Variants in TC2N observed in about 807,000 individuals in gnomAD.
The protein encoded by TC2N is tandem C2 domains nuclear protein.
TC2N carries 51 observed loss-of-function variants against 61.9 expected under a neutral mutation model. The ratio of observed to expected loss-of-function variants is 0.82; its 90% CI spans 0.66 to 1.04. TC2N has a LOEUF of 1.04. TC2N is among the 50% of genes least tolerant of loss of function. The pLI, the probability that TC2N is intolerant of heterozygous loss-of-function variation, is 0.00. For synonymous variants in TC2N, 204 were observed against 192.6 expected (o/e 1.06, Z -0.49); for missense variants, 556 against 566.7 (o/e 0.98, Z 0.19).
At chr14:91,794,036 T>C (rs1885786213) in intron 8 of TC2N, among the ~76,000 whole-genome samples, 1 of 152,218 alleles carries the variant, frequency 6.6e-6, no homozygotes, top group Non-Finnish European at 1.5e-5. Context: ...ACAGCCTTAT[T>C]GCTGATGTGG....
At chr14:91,810,555 C>A (rs1886717687) in intron 3 of TC2N, among the ~76,000 whole-genome samples, 1 of 151,990 alleles carries the variant, frequency 6.6e-6, no homozygotes, top group African/African-American at 2.4e-5. Flanking sequence ...AAAATGTGAT[C>A]TATTTTCAAG....
intron 1 of TC2N, among the ~76,000 whole-genome samples, chr14:91,820,643 T>A (rs1395933632): frequency 6.6e-6 from 1 of 151,784 alleles, no homozygotes; most frequent in Non-Finnish European, 1.5e-5. Context: ...GTCAAAGGCA[T>A]TCATCTTGGA....
At chr14:91,800,115 T>C (rs1886145627) in intron 5 of TC2N, among the ~76,000 whole-genome samples, 166 bp downstream of exon 5, 1 of 152,136 alleles carries the variant, frequency 6.6e-6, no homozygotes, top group African/African-American at 2.4e-5. Context: ...ATAACAGCTT[T>C]CTAAAATAAT....
At chr14:91,794,079 A>ATTT in intron 8 of TC2N, among the ~76,000 whole-genome samples, 1 of 152,320 alleles carries the variant, frequency 6.6e-6, no homozygotes, top group Non-Finnish European at 1.5e-5. Context: ...AGAAAATCAA[A>ATTT]TCAGCCACAA....
intron 1 of TC2N, among the ~76,000 whole-genome samples, chr14:91,818,520 C>A (rs185957156): frequency 6.6e-6 from 1 of 151,574 alleles, no homozygotes; most frequent in Admixed American, 6.6e-5. Flanking sequence ...AAAAAAAGTA[C>A]CAGGTATACA....
chr14:91,789,623 C>A (rs1029024914), intron 9 of TC2N, among the ~76,000 whole-genome samples: 357 of 132,228 alleles, frequency 2.7e-3, no homozygotes, highest in Non-Finnish European at 4.4e-3. Context: ...AAACAAAAAA[C>A]AAAAAAAAAA....
intron 1 of TC2N, among the ~76,000 whole-genome samples, chr14:91,835,874 C>CGAGCACG (rs971942282): frequency 6.6e-6 from 1 of 152,206 alleles, no homozygotes; most frequent in Non-Finnish European, 1.5e-5. Context: ...GTCGGAAGCC[C>CGAGCACG]GAGCACGGAG....
At position 91,798,322 on chromosome 14, in the gene TC2N, G is replaced by T. The variant is rs1024103159; in HGVS notation, c.715C>A (p.Gln239Lys). Residue 239 changes from glutamine to lysine, a missense_variant, in exon 7 of 12, where the codon CAG becomes AAG. Coordinates refer to ENST00000435962, the MANE Select transcript of TC2N (RefSeq NM_001128596.3). Reference protein sequence around the residue: ...VKLFYNSSVEQIWITVLQCRD... With the variant: ...VKLFYNSSVEKIWITVLQCRD... The stretch of plus-strand genomic sequence containing the variant: ...ACCTGTAAAACTGTGATCCAGATCT[G>T]TTCTACTGAAGAATTATAAAACAAT... The T allele has an allele frequency of 5.7e-6, 9 of 1,582,686 alleles. No homozygotes were observed. The highest frequency in any genetic ancestry group is 7.8e-6 in the Non-Finnish European group (9 of 1,158,812).
chr14:91,784,258 C>T (rs1320283354), intron 11 of TC2N, among the ~76,000 whole-genome samples: 3 of 152,092 alleles, frequency 2.0e-5, no homozygotes, highest in Admixed American at 6.6e-5. Flanking sequence ...TATACGAAAA[C>T]TTTAACTGAA....
chr14:91,789,603 T>A (rs1885545175), intron 9 of TC2N, among the ~76,000 whole-genome samples: 1 of 145,522 alleles, frequency 6.9e-6, no homozygotes. Flanking sequence ...AGAGAGAGAC[T>A]CCATCTCAAA....
At chr14:91,841,643 A>G (rs1888165366) in intron 1 of TC2N, among the ~76,000 whole-genome samples, 1 of 152,196 alleles carries the variant, frequency 6.6e-6, no homozygotes, top group Middle Eastern at 3.2e-3. Context: ...AGTGGCAGCT[A>G]TGTATGGACT....
At chr14:91,833,859 T>G (rs562149239) in intron 1 of TC2N, among the ~76,000 whole-genome samples, 1 of 152,242 alleles carries the variant, frequency 6.6e-6, no homozygotes, top group Non-Finnish European at 1.5e-5. Context: ...TTTTCCATTT[T>G]AACTATTCTT....
chr14:91,863,644 T>C (rs1251323808), intron 1 of TC2N, among the ~76,000 whole-genome samples: 1 of 152,022 alleles, frequency 6.6e-6, no homozygotes, highest in African/African-American at 2.4e-5. Flanking sequence ...ATGTGGGGTC[T>C]GGCCTGTGGG....
chr14:91,795,527 C>CA (rs902999380), intron 8 of TC2N, among the ~76,000 whole-genome samples: 1 of 151,988 alleles, frequency 6.6e-6, no homozygotes, highest in Admixed American at 6.6e-5. Flanking sequence ...CTTCCAACAG[C>CA]AAAAAAATTA....
Position 91,783,218 on chromosome 14 carries a change from G to C in TC2N, c.1363-8C>G. ...GTCTTCACTTATCCAAATCTGTAAA[G>C]GAAAGTATGTACAATCATTTAACTT... On this transcript the variant is annotated splice_polypyrimidine_tract_variant and splice_region_variant and intron_variant, in intron 11 of 11. Transcript: ENST00000435962. 1 of 1,486,398 alleles carries C rather than the reference G, an allele frequency of 6.7e-7. No individual in the cohort carries two copies. The allele number at this position is 1,486,398 out of a possible 1,614,324, so 92.1% of individuals were successfully genotyped here.
intron 1 of TC2N, among the ~76,000 whole-genome samples, chr14:91,818,912 A>T (rs1859862454): frequency 6.6e-6 from 1 of 152,102 alleles, no homozygotes; most frequent in Non-Finnish European, 1.5e-5. Context: ...CCCAAAATAC[A>T]TGTATTTGGA....
In TC2N at chr14:91,781,846, T is replaced by C. The variant is rs1885146891; in HGVS notation, c.*1254A>G. 6.6e-6 allele frequency: 1 copy of C among 152,068 alleles called. No individual in the cohort carries two copies. The highest frequency in any genetic ancestry group is 6.6e-5 in the Admixed American group (1 of 15,258). 9.4% of individuals were successfully genotyped at this position (152,068 alleles called of 1,614,324 possible). ...TTTATTTGGGAAAATGTTAATGATA[T>C]ACACAGAACATAGGAGCTGGAATAA... On this transcript the variant is annotated 3_prime_UTR_variant, in exon 12 of 12. Transcript: ENST00000435962.
At chr14:91,786,162 TG>T (rs1885354486) in intron 10 of TC2N, among the ~76,000 whole-genome samples, 1 of 152,198 alleles carries the variant, frequency 6.6e-6, no homozygotes, top group South Asian at 2.1e-4. Flanking sequence ...TGAAGAGTTG[TG>T]GTCATCCTGA....
Position 91,785,359 on chromosome 14 carries a change from A to T in TC2N, c.1165T>A (p.Phe389Ile), listed in dbSNP as rs1427877615. 4.3e-6 allele frequency: 7 copies of T among 1,611,816 alleles called. No homozygotes were observed. Among genetic ancestry groups the T allele is most frequent in the Non-Finnish European group, 5.9e-6 (7 of 1,178,848 alleles). ...PSSSTPLTLSFFVKVGMFSSG... is the reference protein window; with the variant it reads ...PSSSTPLTLSIFVKVGMFSSG... ...CTAAACATTCCCACCTTCACGAAAA[A>T]ACCTAAAAAATTAGAAATATTGGTT... The change falls in exon 11 of 12, where the codon TTT (phenylalanine) becomes ATT (isoleucine). Residue 389 changes from phenylalanine (F) to isoleucine (I), a missense_variant and splice_region_variant. Coordinates refer to ENST00000435962, the MANE Select transcript of TC2N (RefSeq NM_001128596.3).
Sources: allele counts gnomAD v4.1 joint callset (sites outside exome capture counted in the v4.1 genomes callset), GRCh38; gene constraint gnomAD v4.1.1; transcripts MANE v1.5; gene names NCBI Gene and HGNC (gene_info 2026-07-23, HGNC 2026-07-21).